Variants in ZHX2 observed in about 807,000 individuals in gnomAD.
ZHX2 encodes the protein zinc fingers and homeoboxes protein 2.
Under a neutral mutation model 21.9 loss-of-function variants are expected in ZHX2, and 6 were observed. The observed-to-expected ratio is 0.27, with a 90% CI of 0.15 to 0.54. ZHX2 has a LOEUF of 0.54. Among genes scored for constraint, ZHX2 ranks in the 20% least tolerant of loss-of-function variants. ZHX2 has a pLI of 0.95. For synonymous variants in ZHX2, 434 were observed against 437.1 expected (o/e 0.99, Z 0.09); for missense variants, 908 against 1,090.7 (o/e 0.83, Z 2.36).
chr8:122,826,042 C>A (rs543010672), intron 1 of ZHX2, among the ~76,000 whole-genome samples: 1 of 152,266 alleles, frequency 6.6e-6, no homozygotes, highest in African/African-American at 2.4e-5. Context: ...TAAGGGTGAT[C>A]ACACCTTCTG....
At chr8:122,966,093 T>G (rs1380438663) in intron 3 of ZHX2, among the ~76,000 whole-genome samples, 1 of 152,230 alleles carries the variant, frequency 6.6e-6, no homozygotes, top group Admixed American at 6.5e-5. Context: ...TTGGTAGATT[T>G]TTATCCATTC....
At chr8:122,966,442 A>G (rs556262246) in intron 3 of ZHX2, among the ~76,000 whole-genome samples, 113 of 152,236 alleles carry the variant, frequency 7.4e-4, no homozygotes, top group South Asian at 3.1e-3. Context: ...AAAATTCTTG[A>G]CTGGTAATTA....
At chr8:122,960,346 T>C (rs985265094) in intron 3 of ZHX2, among the ~76,000 whole-genome samples, 6 of 152,078 alleles carry the variant, frequency 3.9e-5, no homozygotes, top group Admixed American at 3.9e-4. Context: ...CGCACAAACC[T>C]GGCCAACATG....
chr8:122,877,358 AATT>A (rs1322878958), intron 2 of ZHX2, among the ~76,000 whole-genome samples: 1 of 152,210 alleles, frequency 6.6e-6, no homozygotes, highest in East Asian at 1.9e-4. Flanking sequence ...CCATGCATAC[AATT>A]ATAATAATGG....
chr8:122,923,663 A>G (rs1436946283), intron 2 of ZHX2, among the ~76,000 whole-genome samples: 1 of 152,198 alleles, frequency 6.6e-6, no homozygotes, highest in Non-Finnish European at 1.5e-5. Flanking sequence ...CTGGTCCTGG[A>G]AGGAAAATCT....
intron 2 of ZHX2, among the ~76,000 whole-genome samples, chr8:122,875,349 A>G (rs1819547797): frequency 6.6e-6 from 1 of 151,870 alleles, no homozygotes; most frequent in Non-Finnish European, 1.5e-5. Context: ...GAAGAACAAT[A>G]TGCAACCGAG....
intron 1 of ZHX2, among the ~76,000 whole-genome samples, chr8:122,816,687 A>C (rs1195669962): frequency 6.6e-6 from 1 of 151,992 alleles, no homozygotes; most frequent in African/African-American, 2.4e-5. Flanking sequence ...TACAAAAGTC[A>C]TATGCAGCCT....
chr8:122,952,062 C>G lies in ZHX2; in HGVS notation c.552C>G (p.Thr184=). The G allele has an allele frequency of 6.2e-7, 1 of 1,613,200 alleles. No individual in the cohort carries two copies. The highest frequency in any genetic ancestry group is 1.1e-5 in the South Asian group (1 of 90,984). The part of the protein sequence containing the change: ...DSDSGISVSK[T]PIMKPGKPKA... ...ATTCTGGGATCTCGGTGAGTAAAAC[C>G]CCCATCATGAAGCCTGGAAAACCAA... The change falls in exon 3 of 4, where the codon ACC becomes ACG. Residue 184 remains threonine, a synonymous_variant. Transcript: ENST00000314393. This position sits in a 1 kb window ranked among gnomAD's most constrained non-coding sequence, Gnocchi z 6.9.
chr8:122,929,536 G>A (rs774887625), intron 2 of ZHX2, among the ~76,000 whole-genome samples: 2 of 151,854 alleles, frequency 1.3e-5, no homozygotes, highest in South Asian at 2.1e-4. Flanking sequence ...CCAGCTACTC[G>A]AGAGGCTGAG....
At chr8:122,868,574 A>C (rs564507356) in intron 2 of ZHX2, among the ~76,000 whole-genome samples, 18 of 152,066 alleles carry the variant, frequency 1.2e-4, no homozygotes, top group African/African-American at 3.9e-4. Flanking sequence ...GGTGGCAGGC[A>C]CCTGTAGTCC....
intron 1 of ZHX2, among the ~76,000 whole-genome samples, chr8:122,860,113 A>G (rs1819126043): frequency 6.6e-6 from 1 of 152,222 alleles, no homozygotes; most frequent in Admixed American, 6.5e-5. Context: ...AAGGGGAAGC[A>G]AGGCACCTTC....
intron 1 of ZHX2, among the ~76,000 whole-genome samples, chr8:122,803,948 C>T (rs1817768843): frequency 6.6e-6 from 1 of 152,120 alleles, no homozygotes; most frequent in South Asian, 2.1e-4. Flanking sequence ...AGATGGAGGG[C>T]CAGGGCGGGC....
chr8:122,936,249 G>A (rs1244418061), intron 2 of ZHX2, among the ~76,000 whole-genome samples: 1 of 152,194 alleles, frequency 6.6e-6, no homozygotes, highest in Admixed American at 6.5e-5. Context: ...CAGGGATGAC[G>A]TGATCAGATT....
At chr8:122,861,774 A>C (rs552228179) in intron 1 of ZHX2, among the ~76,000 whole-genome samples, 7 of 152,220 alleles carry the variant, frequency 4.6e-5, no homozygotes, top group Non-Finnish European at 1.0e-4. Flanking sequence ...AGCTAGTGAC[A>C]TGCCCCTTAA....
At chr8:122,817,834 C>T (rs530077061) in intron 1 of ZHX2, among the ~76,000 whole-genome samples, 8 of 152,340 alleles carry the variant, frequency 5.3e-5, no homozygotes, top group South Asian at 4.1e-4. Flanking sequence ...GGCCTGGTGA[C>T]CCTGGCAATG....
chr8:122,919,430 A>G (rs560028697), intron 2 of ZHX2, among the ~76,000 whole-genome samples: 3 of 152,066 alleles, frequency 2.0e-5, no homozygotes, highest in Non-Finnish European at 4.4e-5. Context: ...TTCATTCCTC[A>G]TGTATTTATT....
chr8:122,819,233 A>T (rs1002921512), intron 1 of ZHX2, among the ~76,000 whole-genome samples: 2 of 152,150 alleles, frequency 1.3e-5, no homozygotes, highest in Non-Finnish European at 2.9e-5. Context: ...GGGATCTGCC[A>T]CCTACCCACG....
At chr8:122,854,701 C>T (rs1232036867) in intron 1 of ZHX2, among the ~76,000 whole-genome samples, 1 of 152,226 alleles carries the variant, frequency 6.6e-6, no homozygotes, top group Non-Finnish European at 1.5e-5. Context: ...AAGACATCCT[C>T]TAGCTACCTC....
Position 122,953,927 on chromosome 8 carries a change from A to G in ZHX2, c.2417A>G (p.Asp806Gly), listed in dbSNP as rs139793225. 6 of 1,614,020 alleles carry G rather than the reference A, an allele frequency of 3.7e-6. No homozygotes were observed. In the African/African-American group the frequency reaches 8.0e-5, roughly 22 times the overall value. The change falls in exon 3 of 4, where the codon GAT becomes GGT. Residue 806 changes from aspartate (D) to glycine (G), a missense_variant. This residue lies in a region of ZHX2 where 431 missense variants were observed against 428.6 expected (regional missense o/e 1.01). Transcript: ENST00000314393. The surrounding 1 kb of genome is among the most constrained non-coding windows in gnomAD (Gnocchi z 4.6). ...GTCGGGGAGGAGGATGCGATCTCAG[A>G]TAGATCAGATAGCTGGAGTCAGGCT... ...VTVGEEDAIS[D>G]RSDSWSQAAA...
Sources: allele counts gnomAD v4.1 joint callset (sites outside exome capture counted in the v4.1 genomes callset), GRCh38; gene constraint gnomAD v4.1.1; regional missense constraint gnomAD v4.1.1; non-coding constraint Gnocchi (gnomAD v3.1); transcripts MANE v1.5; gene names NCBI Gene and HGNC (gene_info 2026-07-23, HGNC 2026-07-21).